Variants in REDIC1 observed in about 807,000 individuals in gnomAD.
REDIC1 encodes regulator of DNA class I crossover intermediates 1, also known as HEI10 Interacting Protein 1.
the REDIC1 span, among the ~76,000 whole-genome samples, chr12:39,883,468 G>A: frequency 6.6e-6 from 1 of 152,260 alleles, no homozygotes; most frequent in Middle Eastern, 3.4e-3. Flanking sequence ...TGTCTCCAAA[G>A]TTCCAAGTTG....
chr12:39,899,266 C>A, the REDIC1 span, among the ~76,000 whole-genome samples: 1 of 152,000 alleles, frequency 6.6e-6, no homozygotes, highest in Non-Finnish European at 1.5e-5. Context: ...AGTTTATTTG[C>A]GTAGAGGTGT....
chr12:39,646,315 AT>A, the REDIC1 span: 2 of 912,842 alleles, frequency 2.2e-6, no homozygotes, highest in Non-Finnish European at 1.5e-6. Context: ...ATAATTATAT[AT>A]TTTTTATTAT....
the REDIC1 span, among the ~76,000 whole-genome samples, chr12:39,741,550 A>C: frequency 6.6e-6 from 1 of 152,200 alleles, no homozygotes; most frequent in Non-Finnish European, 1.5e-5. Flanking sequence ...TATTTTAAAG[A>C]GGCTTATTTT....
the REDIC1 span, among the ~76,000 whole-genome samples, chr12:39,692,560 T>G: frequency 1.3e-5 from 2 of 152,034 alleles, no homozygotes; most frequent in South Asian, 4.1e-4. Flanking sequence ...CCCAATATTA[T>G]ATTTTACAGT....
the REDIC1 span, among the ~76,000 whole-genome samples, chr12:39,882,097 C>T: frequency 7.2e-5 from 11 of 152,160 alleles, no homozygotes; most frequent in South Asian, 2.3e-3. Context: ...ATTCCAGACA[C>T]TGCTTCTTTT....
the REDIC1 span, among the ~76,000 whole-genome samples, chr12:39,805,704 G>C: frequency 2.4e-4 from 37 of 152,188 alleles, no homozygotes; most frequent in African/African-American, 8.9e-4. Context: ...AAATGGCAAA[G>C]GTAAGTGAAG....
chr12:39,649,579 C>CA, the REDIC1 span, among the ~76,000 whole-genome samples: 1 of 132,134 alleles, frequency 7.6e-6, no homozygotes, highest in Non-Finnish European at 1.7e-5. Context: ...TTTGACTCTC[C>CA]TTTTTTTTTT....
the REDIC1 span, among the ~76,000 whole-genome samples, chr12:39,725,211 A>G: frequency 6.6e-6 from 1 of 152,144 alleles, no homozygotes; most frequent in Admixed American, 6.6e-5. Flanking sequence ...GTGTAATAAT[A>G]CCTTCCAAAT....
chr12:39,714,246 TA>T, the REDIC1 span, among the ~76,000 whole-genome samples: 16 of 147,846 alleles, frequency 1.1e-4, no homozygotes, highest in African/African-American at 4.0e-4. Context: ...TATATATGTA[TA>T]TACGTATATG....
At chr12:39,679,203 G>A in the REDIC1 span, among the ~76,000 whole-genome samples, 3 of 152,146 alleles carry the variant, frequency 2.0e-5, no homozygotes, top group East Asian at 1.9e-4. Flanking sequence ...AATAGATAAA[G>A]AGGAACTCAA....
the REDIC1 span, among the ~76,000 whole-genome samples, chr12:39,816,274 C>T: frequency 6.6e-6 from 1 of 151,956 alleles, no homozygotes; most frequent in African/African-American, 2.4e-5. Flanking sequence ...TTCCTTTTCT[C>T]ACTGATGGGG....
the REDIC1 span, among the ~76,000 whole-genome samples, chr12:39,802,771 A>G: frequency 6.8e-4 from 103 of 151,054 alleles, 3 homozygotes; most frequent in East Asian, 0.015. Flanking sequence ...CCATATATAG[A>G]TGTAGATATG....
chr12:39,745,309 A>G, the REDIC1 span, among the ~76,000 whole-genome samples: 1 of 152,198 alleles, frequency 6.6e-6, no homozygotes, highest in Non-Finnish European at 1.5e-5. Flanking sequence ...GACAGTTACT[A>G]AAATTTTCCA....
chr12:39,639,704 A>G, the REDIC1 span, among the ~76,000 whole-genome samples: 3 of 152,016 alleles, frequency 2.0e-5, no homozygotes, highest in South Asian at 6.2e-4. Context: ...CCTACCTTAC[A>G]GAGTTGCCAT....
the REDIC1 span, among the ~76,000 whole-genome samples, chr12:39,832,076 A>G: frequency 6.6e-6 from 1 of 152,102 alleles, no homozygotes; most frequent in Non-Finnish European, 1.5e-5. Context: ...CTTCAGCCCT[A>G]GACAAAAAGC....
chr12:39,635,441 C>T, the REDIC1 span, among the ~76,000 whole-genome samples: 1 of 152,160 alleles, frequency 6.6e-6, no homozygotes, highest in Non-Finnish European at 1.5e-5. Flanking sequence ...GGCACATATA[C>T]ACCATGGAAT....
the REDIC1 span, among the ~76,000 whole-genome samples, chr12:39,746,240 T>C: frequency 6.6e-6 from 1 of 152,142 alleles, no homozygotes; most frequent in African/African-American, 2.4e-5. Context: ...CCCACCCTAA[T>C]ACTGCACTTT....
chr12:39,818,619 T>C, the REDIC1 span, among the ~76,000 whole-genome samples: 2 of 152,158 alleles, frequency 1.3e-5, no homozygotes, highest in Non-Finnish European at 2.9e-5. Context: ...CCTTTGAAAT[T>C]CTGTTTCAAG....
chr12:39,685,737 G>C, the REDIC1 span, among the ~76,000 whole-genome samples: 1 of 151,996 alleles, frequency 6.6e-6, no homozygotes, highest in Non-Finnish European at 1.5e-5. Context: ...TAACTCAAAA[G>C]TTCAAAGTTT....
Sources: allele counts gnomAD v4.1 joint callset (sites outside exome capture counted in the v4.1 genomes callset), GRCh38; gene constraint gnomAD v4.1.1; transcripts MANE v1.5; gene names NCBI Gene and HGNC (gene_info 2026-07-23, HGNC 2026-07-21).